Variants in SPTLC3 observed in about 807,000 individuals in gnomAD.
SPTLC3 encodes the protein serine palmitoyltransferase 3.
Under a neutral mutation model 59.3 loss-of-function variants are expected in SPTLC3, and 36 were observed. The ratio of observed to expected loss-of-function variants is 0.61; its 90% CI spans 0.47 to 0.80. The LOEUF (loss-of-function observed/expected upper bound fraction) is 0.80, where lower values mean the gene tolerates loss of function less well. Among genes scored for constraint, SPTLC3 ranks in the 30% least tolerant of loss-of-function variants. The pLI, the probability that SPTLC3 is intolerant of heterozygous loss-of-function variation, is 0.00. For missense variants in SPTLC3, 625 were observed against 685.1 expected, an observed-to-expected ratio of 0.91 and a Z score of 0.98; for synonymous variants, 257 against 240.8, an observed-to-expected ratio of 1.07 and a Z score of -0.62.
rs2039018050 is a variant in SPTLC3, at chr20:13,168,980, T to TG, written c.*4113_*4114insG. On this transcript the variant is annotated 3_prime_UTR_variant, in exon 12 of 12. Coordinates refer to ENST00000399002, the MANE Select transcript of SPTLC3 (RefSeq NM_018327.4). ...GTGTGTGTGTGTGTGTGCATGTGTC[T>TG]TTGTGTGTGTGAGAAGGACAGAGAG... 6.7e-6 allele frequency: 1 copy of TG among 149,880 alleles called. No homozygotes were observed. The highest frequency in any genetic ancestry group is 1.5e-5 in the Non-Finnish European group (1 of 67,176). The allele number at this position is 149,880 out of a possible 1,614,324, so 9.3% of individuals were successfully genotyped here.
rs201776508 is a variant in SPTLC3 at position 13,117,537 on chromosome 20, A to T, written c.964A>T (p.Ile322Phe). Residue 322 changes from isoleucine to phenylalanine, a missense_variant, in exon 8 of 12, where the codon ATC becomes TTC. Coordinates refer to ENST00000399002, the MANE Select transcript of SPTLC3 (RefSeq NM_018327.4). ...MEGSIVHLPQ[I>F]IALKKKYKAY... ...AGGTTCCATCGTGCATCTGCCCCAGATCATAGCTCTAAAGAAGAAATACAA... is the reference window on the plus strand; with the variant it reads ...AGGTTCCATCGTGCATCTGCCCCAGTTCATAGCTCTAAAGAAGAAATACAA... The T allele has an allele frequency of 2.9e-5, 46 of 1,608,234 alleles. No homozygotes were observed. In the South Asian group the frequency reaches 4.9e-4, roughly 17 times the overall value.
At chr20:13,029,815 T>G in intron 1 of SPTLC3, among the ~76,000 whole-genome samples, 1 of 152,242 alleles carries the variant, frequency 6.6e-6, no homozygotes, top group Middle Eastern at 3.4e-3. Context: ...TTATATGGGG[T>G]AATAGGCTAT....
intron 11 of SPTLC3, among the ~76,000 whole-genome samples, chr20:13,161,723 C>A (rs933008172): frequency 6.6e-6 from 1 of 151,936 alleles, no homozygotes; most frequent in Non-Finnish European, 1.5e-5. Flanking sequence ...CTTGATGTTC[C>A]ATAGAGTAGG....
intron 2 of SPTLC3, among the ~76,000 whole-genome samples, chr20:13,064,012 T>G (rs1415711582): frequency 1.3e-5 from 2 of 151,386 alleles, no homozygotes; most frequent in Non-Finnish European, 2.9e-5. Context: ...AAATAGTTCT[T>G]TTCTTTTCTT....
intron 2 of SPTLC3, among the ~76,000 whole-genome samples, chr20:13,068,647 C>T (rs940086210): frequency 3.9e-5 from 6 of 152,008 alleles, no homozygotes; most frequent in African/African-American, 1.4e-4. Context: ...AAGTAGGTCT[C>T]CAAACTCAAT....
intron 9 of SPTLC3, among the ~76,000 whole-genome samples, chr20:13,142,258 G>T (rs544140826): frequency 3.3e-5 from 5 of 152,182 alleles, no homozygotes; most frequent in African/African-American, 1.2e-4. Flanking sequence ...CCTTCCAGCC[G>T]TCCCACAAAC....
At chr20:13,132,207 C>T (rs1447490313) in intron 9 of SPTLC3, among the ~76,000 whole-genome samples, 2 of 131,422 alleles carry the variant, frequency 1.5e-5, no homozygotes, top group Non-Finnish European at 3.1e-5. Context: ...CATGGAGTCT[C>T]ACTCTGTCAC....
In SPTLC3 at chr20:13,168,291, C is replaced by A. The variant is rs996573887; in HGVS notation, c.*3424C>A. On this transcript the variant is annotated 3_prime_UTR_variant, in exon 12 of 12. Transcript: ENST00000399002. ...CTCCACCTCCCGGGTTCAAGCGATT[C>A]TCCTGCCTCAGCCTCCTGAGGAGCT... is the stretch of plus-strand genomic sequence containing the variant. 4 of 151,698 alleles carry A rather than the reference C, an allele frequency of 2.6e-5. No homozygotes were observed. The highest frequency in any genetic ancestry group is 7.3e-5 in the African/African-American group (3 of 41,186). The allele number at this position is 151,698 out of a possible 1,614,324, so 9.4% of individuals were successfully genotyped here.
intron 2 of SPTLC3, among the ~76,000 whole-genome samples, chr20:13,060,091 G>GA (rs1210029888): frequency 6.6e-6 from 1 of 151,546 alleles, no homozygotes. Context: ...ATCAACTACA[G>GA]AAAAAAAATA....
At chr20:13,084,947 T>C (rs1988957535) in intron 4 of SPTLC3, among the ~76,000 whole-genome samples, 1 of 152,242 alleles carries the variant, frequency 6.6e-6, no homozygotes, top group Non-Finnish European at 1.5e-5. Flanking sequence ...TCAGAATTGT[T>C]TGATGTGAAA....
At chr20:13,033,531 G>A (rs75487980) in intron 1 of SPTLC3, among the ~76,000 whole-genome samples, 8,386 of 152,144 alleles carry the variant, frequency 0.055, 271 homozygotes, top group South Asian at 0.083. Flanking sequence ...TTCACTTCAC[G>A]TTGCTCAGAA....
At chr20:13,054,198 G>A (rs776519337) in intron 2 of SPTLC3, among the ~76,000 whole-genome samples, 3 of 152,200 alleles carry the variant, frequency 2.0e-5, no homozygotes, top group Non-Finnish European at 2.9e-5. Context: ...ATGACCGAGT[G>A]TTGTGAATGA....
chr20:13,014,809 A>G (rs1410167478), intron 1 of SPTLC3, among the ~76,000 whole-genome samples: 2 of 151,490 alleles, frequency 1.3e-5, no homozygotes, highest in Non-Finnish European at 2.9e-5. Flanking sequence ...AAAAAAAGAT[A>G]AATGTCAACC....
intron 1 of SPTLC3, among the ~76,000 whole-genome samples, chr20:13,022,606 C>T (rs1985943180): frequency 6.6e-6 from 1 of 152,012 alleles, no homozygotes; most frequent in Admixed American, 6.6e-5. Context: ...CTGGGAAGGC[C>T]AAAGGGTGAG....
In SPTLC3 at chr20:13,167,202, A is replaced by AT. The variant is rs949655850; in HGVS notation, c.*2342dup. ...GTGATTGTGAATAATGAGATTTTTA[A>AT]TTTTTTTAAGAAAAAGCTCTCAAAT... is the stretch of plus-strand genomic sequence containing the variant. On this transcript the variant is annotated 3_prime_UTR_variant, in exon 12 of 12. Coordinates refer to ENST00000399002, the MANE Select transcript of SPTLC3 (RefSeq NM_018327.4). 1 of 152,100 alleles carries AT rather than the reference A, an allele frequency of 6.6e-6. No homozygotes were observed. The highest frequency in any genetic ancestry group is 2.1e-4 in the South Asian group (1 of 4,826). 9.4% of individuals were successfully genotyped at this position (152,100 alleles called of 1,614,324 possible).
chr20:13,096,304 G>T (rs1989409939), intron 6 of SPTLC3, among the ~76,000 whole-genome samples: 1 of 152,008 alleles, frequency 6.6e-6, no homozygotes. Flanking sequence ...GAAAGTGTGT[G>T]TCCATTAAAA....
chr20:13,074,291 T>C, intron 3 of SPTLC3, 58 bp from the exon 4 acceptor site: 1 of 1,588,994 alleles, frequency 6.3e-7, no homozygotes, highest in Admixed American at 1.8e-5. Flanking sequence ...AGGGATTTTT[T>C]GAATCGTGCA....
At chr20:13,138,935 A>T (rs934984169) in intron 9 of SPTLC3, among the ~76,000 whole-genome samples, 3 of 152,220 alleles carry the variant, frequency 2.0e-5, no homozygotes, top group African/African-American at 7.2e-5. Context: ...AGTTTCCTAT[A>T]GGAGACACAA....
chr20:13,046,110 GTTCCCTTTAT>G (rs1229108354), intron 1 of SPTLC3, among the ~76,000 whole-genome samples: 3 of 152,148 alleles, frequency 2.0e-5, no homozygotes, highest in Non-Finnish European at 2.9e-5. Flanking sequence ...CCCACACTGG[GTTCCCTTTAT>G]TCACCCTTTT....
Sources: allele counts gnomAD v4.1 joint callset (sites outside exome capture counted in the v4.1 genomes callset), GRCh38; gene constraint gnomAD v4.1.1; transcripts MANE v1.5; gene names NCBI Gene and HGNC (gene_info 2026-07-23, HGNC 2026-07-21).